The following CFAP46 variants were observed in gnomAD, a reference collection of about 807,000 sequenced individuals.
CFAP46 encodes the protein cilia and flagella associated protein 46.
In CFAP46, 245 loss-of-function variants were observed where a neutral mutation model predicts 325.7. The observed-to-expected ratio is 0.75, with a 90% CI of 0.68 to 0.84. CFAP46 has a LOEUF of 0.84. Among genes scored for constraint, CFAP46 ranks in the 40% least tolerant of loss-of-function variants. CFAP46 has a pLI of 0.00. For missense variants in CFAP46, 3,346 were observed against 3,543.0 expected (o/e 0.94, Z 1.41); for synonymous variants, 1,523 against 1,495.9 (o/e 1.02, Z -0.42).
At chr10:132,904,759 A>C (rs1326606384) in intron 22 of CFAP46, among the ~76,000 whole-genome samples, 2 of 152,084 alleles carry the variant, frequency 1.3e-5, no homozygotes, top group Non-Finnish European at 2.9e-5. Context: ...CTTAGAAATA[A>C]TGTTTGTTCT....
intron 44 of CFAP46, among the ~76,000 whole-genome samples, chr10:132,837,633 A>G (rs1190267115): frequency 1.4e-5 from 2 of 147,312 alleles, no homozygotes; most frequent in African/African-American, 2.5e-5. Flanking sequence ...ACATGCACGG[A>G]CACACACGCA....
In CFAP46 at chr10:132,883,589, C is replaced by T. The variant is rs142524559; in HGVS notation, c.3627+1514G>A. On this transcript the variant is annotated intron_variant, in intron 27 of 57. Coordinates refer to ENST00000368586, the MANE Select transcript of CFAP46 (RefSeq NM_001200049.3). ...ATCTGATGGCCCCACACAGGGCGAC[C>T]GTGTGCCCAGCAACTCCACTGCTGG... is the stretch of plus-strand genomic sequence containing the variant. Among the ~76,000 whole-genome samples, 1,497 of 152,352 alleles carry T rather than the reference C, an allele frequency of 9.8e-3. 15 individuals carry two copies. The highest frequency in any genetic ancestry group is 0.043 in the South Asian group (210 of 4,830).
intron 22 of CFAP46, among the ~76,000 whole-genome samples, chr10:132,901,599 G>A (rs1447724424): frequency 6.6e-6 from 1 of 152,124 alleles, no homozygotes; most frequent in African/African-American, 2.4e-5. Context: ...CCTGCATCTT[G>A]CCTCTATATT....
intron 18 of CFAP46, 31 bp downstream of exon 18, chr10:132,913,015 C>A: frequency 6.5e-7 from 1 of 1,543,298 alleles, no homozygotes; most frequent in Non-Finnish European, 8.8e-7. Context: ...GAAGCCCCTC[C>A]CTGCGTGAAC....
chr10:132,916,406 G>A (rs186359315), intron 17 of CFAP46, 143 bp downstream of exon 17: 65 of 904,728 alleles, frequency 7.2e-5, no homozygotes, highest in East Asian at 7.2e-4. Context: ...AGTCATTTAC[G>A]TGACGATGGA....
rs1168953924 is a variant in CFAP46, at chr10:132,860,342, G to A, written c.5198+75C>T. ...TGAACTTGCATAGACTTGACGTATGGCACAAAAATTGCAGATGGAAAAGAG... is the reference window on the plus strand; with the variant it reads ...TGAACTTGCATAGACTTGACGTATGACACAAAAATTGCAGATGGAAAAGAG... On this transcript the variant is annotated intron_variant, in intron 37 of 57. Transcript: ENST00000368586. The A allele has an allele frequency of 5.2e-6, 6 of 1,154,750 alleles. No individual in the cohort carries two copies. The African/African-American group carries it at 6.1e-5, about 12-fold the overall frequency. 71.5% of individuals were successfully genotyped at this position (1,154,750 alleles called of 1,614,324 possible).
chr10:132,867,327 G>T (rs757613555), intron 34 of CFAP46, 48 bp downstream of exon 34: 7 of 1,528,226 alleles, frequency 4.6e-6, no homozygotes, highest in Non-Finnish European at 6.1e-6. Flanking sequence ...ACGAGGCACC[G>T]GCGCCCGCTG....
In CFAP46 at chr10:132,847,148, G is replaced by C. The variant is rs368206654; in HGVS notation, c.6088-37C>G. 5.6e-6 allele frequency: 9 copies of C among 1,608,056 alleles called. No individual in the cohort carries two copies. The highest frequency in any genetic ancestry group is 5.9e-6 in the Non-Finnish European group (7 of 1,177,788). The stretch of plus-strand genomic sequence containing the variant: ...AAGGCTCAGGCTCAGGCCAGGCTCC[G>C]GGCAGAGGCCACACGAGGGGCAGGA... On this transcript the variant is annotated intron_variant, in intron 42 of 57. Coordinates refer to ENST00000368586, the MANE Select transcript of CFAP46 (RefSeq NM_001200049.3). The surrounding 1 kb of genome is among the most constrained non-coding windows in gnomAD (Gnocchi z 5.2).
intron 19 of CFAP46, 43 bp from the exon 20 acceptor site, chr10:132,910,111 CAG>C: frequency 6.6e-6 from 9 of 1,366,324 alleles, no homozygotes; most frequent in East Asian, 6.0e-5. Flanking sequence ...GAATTCTAAA[CAG>C]GGGACCTTGA....
rs778909320 is a variant in CFAP46 at position 132,827,907 on chromosome 10, G to A, written c.7117+5451C>T. 9.2e-5 allele frequency among the ~76,000 whole-genome samples: 14 copies of A among 151,814 alleles called. No individual in the cohort carries two copies. Among genetic ancestry groups the A allele is most frequent in the Non-Finnish European group, 2.1e-4 (14 of 67,970 alleles). Reference sequence around the variant, plus strand: ...CTTGATCCAGCCTCTTTCCCTCAGCGTAATCCTTCTGAGTGAGCCCCGTCA... The same window carrying A: ...CTTGATCCAGCCTCTTTCCCTCAGCATAATCCTTCTGAGTGAGCCCCGTCA... On this transcript the variant is annotated intron_variant, in intron 50 of 57. Transcript: ENST00000368586. The surrounding 1 kb of genome is among the most constrained non-coding windows in gnomAD (Gnocchi z 5.7).
At chr10:132,893,099 G>T (rs992063402) in intron 24 of CFAP46, among the ~76,000 whole-genome samples, 3 of 152,236 alleles carry the variant, frequency 2.0e-5, no homozygotes, top group Admixed American at 6.5e-5. Context: ...CGCACACTGA[G>T]AGGCAAAATG....
chr10:132,821,997 G>C (rs1847854056), intron 50 of CFAP46, among the ~76,000 whole-genome samples: 1 of 144,528 alleles, frequency 6.9e-6, no homozygotes, highest in African/African-American at 2.6e-5. Context: ...GTGCGCTTGT[G>C]TGTGCTGTGT....
intron 8 of CFAP46, among the ~76,000 whole-genome samples, chr10:132,930,271 C>A (rs1344272913): frequency 6.6e-6 from 1 of 150,500 alleles, no homozygotes; most frequent in Non-Finnish European, 1.5e-5. Context: ...GCATGGGACT[C>A]CCCACACTCC....
intron 56 of CFAP46, 142 bp from the exon 57 acceptor site, chr10:132,810,631 C>T (rs756280656): frequency 1.1e-5 from 9 of 799,304 alleles, no homozygotes; most frequent in South Asian, 4.3e-5. Flanking sequence ...GCAGCAGCGT[C>T]GGCCACTGGT....
intron 50 of CFAP46, among the ~76,000 whole-genome samples, chr10:132,825,167 G>C (rs1591037678): frequency 6.7e-6 from 1 of 148,406 alleles, no homozygotes; most frequent in African/African-American, 2.5e-5. Flanking sequence ...GTGCAGTGAT[G>C]TGTGCTGTGT....
In CFAP46 at chr10:132,826,807, G is replaced by A. The variant is rs181801487; in HGVS notation, c.7117+6551C>T. The stretch of plus-strand genomic sequence containing the variant: ...ATGTGCCCTCAGATGCCATTTGCAC[G>A]AGTTTAATAACAGGCACCCCAGGCT... On this transcript the variant is annotated intron_variant, in intron 50 of 57. Coordinates refer to ENST00000368586, the MANE Select transcript of CFAP46 (RefSeq NM_001200049.3). 9.0e-4 allele frequency among the ~76,000 whole-genome samples: 137 copies of A among 152,218 alleles called. 2 individuals carry two copies. Among genetic ancestry groups the A allele is most frequent in the Non-Finnish European group, 1.3e-3 (89 of 68,010 alleles).
At chr10:132,910,175 C>G in intron 19 of CFAP46, 107 bp from the exon 20 acceptor site, 3 of 1,131,250 alleles carry the variant, frequency 2.7e-6, no homozygotes, top group Admixed American at 4.0e-5. Flanking sequence ...TGATCCAGCC[C>G]GTGAAGGGCC....
chr10:132,810,511 A>G (rs1354514335), intron 56 of CFAP46, 22 bp from the exon 57 acceptor site: 6 of 1,597,886 alleles, frequency 3.8e-6, no homozygotes, highest in Non-Finnish European at 5.1e-6. Flanking sequence ...ACGTCCCCTC[A>G]GGAGGGCATG....
chr10:132,822,023 GTGTGAGTGCTGA>G (rs1847855425), intron 50 of CFAP46, among the ~76,000 whole-genome samples: 1 of 138,858 alleles, frequency 7.2e-6, no homozygotes, highest in African/African-American at 3.0e-5. Flanking sequence ...GATGTGTGCT[GTGTGAGTGCTGA>G]TGTGTGCTGA....
Sources: gnomAD v4.1 joint callset for allele counts (sites outside exome capture counted in the v4.1 genomes callset) on GRCh38, gnomAD v4.1.1 for gene constraint, Gnocchi (gnomAD v3.1) non-coding constraint, MANE v1.5 for transcripts, NCBI Gene and HGNC (gene_info 2026-07-23, HGNC 2026-07-21) for gene names.